GRID2: variants seen among roughly 807,000 people sequenced by gnomAD.
GRID2 encodes the protein glutamate receptor ionotropic, delta-2.
A neutral mutation model predicts 114.8 loss-of-function variants in GRID2; 33 were observed. The ratio of observed to expected loss-of-function variants is 0.29; its 90% CI spans 0.22 to 0.38. GRID2 has a LOEUF of 0.38. Ranked by LOEUF, GRID2 falls within the 10% of genes least tolerant of loss-of-function variation. The probability of loss-of-function intolerance (pLI) is 1.00; values close to 1 mark genes in which losing one functional copy is unlikely to be tolerated. For missense variants in GRID2, 1,184 were observed against 1,257.7 expected (o/e 0.94, Z 0.89); for synonymous variants, 505 against 449.9 (o/e 1.12, Z -1.55).
intron 1 of GRID2, among the ~76,000 whole-genome samples, chr4:92,436,846 T>A (rs1295606919): frequency 6.6e-6 from 1 of 152,170 alleles, no homozygotes; most frequent in Non-Finnish European, 1.5e-5. Flanking sequence ...ATAAGAATAA[T>A]GTCTGTTGGG....
chr4:92,551,543 G>A (rs1440731954), intron 1 of GRID2, among the ~76,000 whole-genome samples: 1 of 152,068 alleles, frequency 6.6e-6, no homozygotes, highest in East Asian at 1.9e-4. Context: ...CAGTGCCTGG[G>A]AGGATTACAT....
chr4:92,943,961 G>T (rs1234742791), intron 2 of GRID2, among the ~76,000 whole-genome samples: 2 of 152,162 alleles, frequency 1.3e-5, no homozygotes, highest in Non-Finnish European at 2.9e-5. Context: ...TCTCAGAGGG[G>T]TACCAGGCCA....
chr4:93,749,430 A>G (rs947789178), intron 14 of GRID2, among the ~76,000 whole-genome samples: 1 of 152,180 alleles, frequency 6.6e-6, no homozygotes, highest in Non-Finnish European at 1.5e-5. Context: ...ACTGACAGGA[A>G]AACAATCATA....
At chr4:92,353,859 G>A (rs867519551) in intron 1 of GRID2, among the ~76,000 whole-genome samples, 2 of 151,808 alleles carry the variant, frequency 1.3e-5, no homozygotes, top group African/African-American at 4.8e-5. Context: ...CCTCCATATC[G>A]ATTGCCCTAA....
chr4:93,779,091 T>G (rs2110349078), downstream of GRID2, among the ~76,000 whole-genome samples: 1 of 152,276 alleles, frequency 6.6e-6, no homozygotes, highest in Admixed American at 6.5e-5. Flanking sequence ...TCCAAAGTTT[T>G]TGATGTGTCC....
chr4:93,678,151 G>C (rs140207360), intron 14 of GRID2, among the ~76,000 whole-genome samples: 1 of 152,114 alleles, frequency 6.6e-6, no homozygotes, highest in Non-Finnish European at 1.5e-5. Context: ...AGGAGCCGAC[G>C]CGATCAACTG....
intron 14 of GRID2, among the ~76,000 whole-genome samples, chr4:93,750,218 C>A (rs1428919767): frequency 1.3e-5 from 2 of 152,272 alleles, no homozygotes; most frequent in East Asian, 3.9e-4. Context: ...AGTGTTGGAA[C>A]AAAGCACAAA....
chr4:92,932,695 T>C (rs1481040562), intron 2 of GRID2, among the ~76,000 whole-genome samples: 1 of 151,260 alleles, frequency 6.6e-6, no homozygotes, highest in African/African-American at 2.4e-5. Flanking sequence ...AAATACATTA[T>C]CTTATATTCA....
chr4:93,699,763 T>G (rs577476055), intron 14 of GRID2, among the ~76,000 whole-genome samples: 1 of 152,262 alleles, frequency 6.6e-6, no homozygotes, highest in East Asian at 1.9e-4. Context: ...ACTCAGATTT[T>G]TCTCTTTAAA....
chr4:92,812,529 A>G (rs1400924646), intron 2 of GRID2, among the ~76,000 whole-genome samples: 2 of 152,112 alleles, frequency 1.3e-5, no homozygotes, highest in Non-Finnish European at 2.9e-5. Context: ...TCATTACACT[A>G]TTACCACTGT....
At chr4:92,873,574 G>A (rs113617411) in intron 2 of GRID2, among the ~76,000 whole-genome samples, 38 of 152,092 alleles carry the variant, frequency 2.5e-4, no homozygotes, top group African/African-American at 8.9e-4. Context: ...ATTTAGATAC[G>A]CTTCTATTGT....
chr4:93,688,554 C>T (rs1424925429), intron 14 of GRID2, among the ~76,000 whole-genome samples: 1 of 151,966 alleles, frequency 6.6e-6, no homozygotes, highest in Non-Finnish European at 1.5e-5. Context: ...ATCTGGATTT[C>T]AACCCTGATC....
intron 2 of GRID2, among the ~76,000 whole-genome samples, chr4:92,940,619 T>C (rs547125119): frequency 6.6e-6 from 1 of 152,110 alleles, no homozygotes; most frequent in African/African-American, 2.4e-5. Context: ...ATAGGAGTGG[T>C]GAGAGAGGGC....
chr4:93,038,411 T>C (rs1283326535), intron 2 of GRID2, among the ~76,000 whole-genome samples: 1 of 151,604 alleles, frequency 6.6e-6, no homozygotes, highest in Non-Finnish European at 1.5e-5. Context: ...TGAAAAAGAG[T>C]TCATCATCAC....
intron 8 of GRID2, among the ~76,000 whole-genome samples, chr4:93,327,708 G>C (rs1258435377): frequency 6.6e-6 from 1 of 151,434 alleles, no homozygotes. Context: ...TGGACATAGT[G>C]TGGAAAGGTA....
intron 14 of GRID2, among the ~76,000 whole-genome samples, chr4:93,702,322 C>T (rs2110142333): frequency 6.6e-6 from 1 of 152,224 alleles, no homozygotes; most frequent in South Asian, 2.1e-4. Flanking sequence ...TATCTGTTTG[C>T]AAATTGGCAT....
chr4:93,672,499 T>C (rs936544653), intron 14 of GRID2, among the ~76,000 whole-genome samples: 1 of 152,254 alleles, frequency 6.6e-6, no homozygotes, highest in Non-Finnish European at 1.5e-5. Context: ...CTTAAATATT[T>C]AGAAACGTGG....
chr4:93,452,825 G>T (rs189990094), intron 10 of GRID2, among the ~76,000 whole-genome samples: 1 of 151,646 alleles, frequency 6.6e-6, no homozygotes, highest in Non-Finnish European at 1.5e-5. Flanking sequence ...GATTATTTCT[G>T]GTTATGTTGT....
chr4:92,335,417 T>C (rs1377711809), intron 1 of GRID2, among the ~76,000 whole-genome samples: 1 of 152,226 alleles, frequency 6.6e-6, no homozygotes, highest in South Asian at 2.1e-4. Flanking sequence ...CACTGAGAGA[T>C]TTGCCCAGCA....
Sources: allele counts gnomAD v4.1 joint callset (sites outside exome capture counted in the v4.1 genomes callset), GRCh38; gene constraint gnomAD v4.1.1; transcripts MANE v1.5; gene names NCBI Gene and HGNC (gene_info 2026-07-23, HGNC 2026-07-21).